The following ADSS2 variants were observed in gnomAD, a reference collection of about 807,000 sequenced individuals.
The protein encoded by ADSS2 is adenylosuccinate synthetase isozyme 2.
A neutral mutation model predicts 60.0 loss-of-function variants in ADSS2; 30 were observed. The observed-to-expected ratio is 0.50, with a 90% confidence interval of 0.37 to 0.68. ADSS2 has a LOEUF of 0.68. ADSS2 is among the 30% of genes least tolerant of loss of function. ADSS2 has a pLI of 0.00. For synonymous variants in ADSS2, 187 were observed against 193.1 expected (o/e 0.97, Z 0.26); for missense variants, 373 against 554.8 (o/e 0.67, Z 3.29).
At chr1:244,421,046 ACTGCC>A (rs2147994173) in intron 7 of ADSS2, among the ~76,000 whole-genome samples, 1 of 5,504 alleles carries the variant, frequency 1.8e-4, no homozygotes, top group African/African-American at 1.2e-3. Flanking sequence ...CACGAGTTAC[ACTGCC>A]AGGGCCACGA....
At chr1:244,421,150 A>C (rs887340683) in intron 7 of ADSS2, among the ~76,000 whole-genome samples, 2 of 152,190 alleles carry the variant, frequency 1.3e-5, no homozygotes, top group Non-Finnish European at 2.9e-5. Flanking sequence ...CTATCTCTAC[A>C]CTATTACTAG....
intron 1 of ADSS2, among the ~76,000 whole-genome samples, chr1:244,445,793 A>G (rs1665370222): frequency 6.6e-6 from 1 of 152,176 alleles, no homozygotes; most frequent in South Asian, 2.1e-4. Context: ...CTGCTGTGGT[A>G]GAGAGATGAA....
Position 244,437,806 on chromosome 1 carries a change from A to G in ADSS2, c.184-38T>C, listed in dbSNP as rs373417646. On this transcript the variant is annotated intron_variant, in intron 1 of 12. Coordinates refer to ENST00000366535, the MANE Select transcript of ADSS2 (RefSeq NM_001126.5). Reference sequence around the variant, plus strand: ...ATAGGGGAAAATTGAGCCTGATGATAAATACTACAAATAACCTATCTCCCT... The same window carrying G: ...ATAGGGGAAAATTGAGCCTGATGATGAATACTACAAATAACCTATCTCCCT... 2.3e-5 allele frequency: 32 copies of G among 1,388,186 alleles called. No individual in the cohort carries two copies. The African/African-American group carries it at 4.4e-4, about 19-fold the overall frequency. 86.0% of individuals were successfully genotyped at this position (1,388,186 alleles called of 1,614,324 possible).
In ADSS2 at chr1:244,416,179, T is replaced by TA; in HGVS notation, c.1071-102dup. The TA allele has an allele frequency of 1.5e-5, 11 of 748,928 alleles. No individual in the cohort carries two copies. In the South Asian group the frequency reaches 1.9e-4, roughly 13 times the overall value. The allele number at this position is 748,928 out of a possible 1,614,324, so 46.4% of individuals were successfully genotyped here. On this transcript the variant is annotated intron_variant, in intron 10 of 12. Transcript: ENST00000366535. ...AGTAAAGAAAAATTCATGCAAAGCTTAAAGTTCTAAAGCAATTCTGAAAAC... is the reference window on the plus strand; with the variant it reads ...AGTAAAGAAAAATTCATGCAAAGCTTAAAAGTTCTAAAGCAATTCTGAAAAC...
At chr1:244,436,299 A>G (rs1184634170) in intron 3 of ADSS2, among the ~76,000 whole-genome samples, 1 of 152,238 alleles carries the variant, frequency 6.6e-6, no homozygotes, top group Non-Finnish European at 1.5e-5. Flanking sequence ...CACATCTCTA[A>G]AAATCCAAGA....
chr1:244,432,420 A>G, intron 4 of ADSS2, 125 bp downstream of exon 4: 1 of 680,314 alleles, frequency 1.5e-6, no homozygotes, highest in Non-Finnish European at 2.4e-6. Context: ...TTAGAACTCA[A>G]TTACTACAAT....
At chr1:244,440,678 T>A (rs1049293436) in intron 1 of ADSS2, among the ~76,000 whole-genome samples, 2 of 152,190 alleles carry the variant, frequency 1.3e-5, no homozygotes, top group Non-Finnish European at 2.9e-5. Context: ...AGACAACCAG[T>A]TAGCACAAGT....
intron 11 of ADSS2, among the ~76,000 whole-genome samples, chr1:244,411,767 A>G (rs1300625207): frequency 6.6e-6 from 1 of 152,216 alleles, no homozygotes; most frequent in African/African-American, 2.4e-5. Flanking sequence ...AAGCTTATTG[A>G]ATTTCCATTC....
chr1:244,422,998 CA>C (rs929928461), intron 6 of ADSS2, 82 bp from the exon 7 acceptor site: 4 of 925,720 alleles, frequency 4.3e-6, no homozygotes, highest in Non-Finnish European at 1.6e-6. Context: ...ATGGTTTCTG[CA>C]GATGGTAAAT....
intron 7 of ADSS2, among the ~76,000 whole-genome samples, chr1:244,421,035 CCA>C (rs1471674515): frequency 2.0e-4 from 1 of 5,098 alleles, no homozygotes; most frequent in African/African-American, 1.4e-3. Context: ...GTGGTGAGGG[CCA>C]CGAGTTACAC....
intron 1 of ADSS2, among the ~76,000 whole-genome samples, chr1:244,442,441 C>T (rs1227621311): frequency 6.6e-6 from 1 of 152,070 alleles, no homozygotes; most frequent in African/African-American, 2.4e-5. Flanking sequence ...TGAAAAATAG[C>T]AACATTTTTC....
chr1:244,448,579 A>G (rs1440085017), intron 1 of ADSS2, among the ~76,000 whole-genome samples: 1 of 152,252 alleles, frequency 6.6e-6, no homozygotes, highest in East Asian at 1.9e-4. Flanking sequence ...ACTTTCCTCA[A>G]GAACAATAAA....
In ADSS2 at chr1:244,437,265, G is replaced by A. The variant is rs142907877; in HGVS notation, c.287-372C>T. ...GATAAGGATTTTTAAAAATTAAAAG[G>A]AGAGTAGAAAAGATCAGATTGCATC... On this transcript the variant is annotated intron_variant, in intron 2 of 12. Transcript: ENST00000366535. 2.3e-3 allele frequency among the ~76,000 whole-genome samples: 346 copies of A among 152,206 alleles called. 7 individuals are homozygous for A. The highest frequency in any genetic ancestry group is 0.019 in the Admixed American group (293 of 15,274).
At chr1:244,435,225 T>C (rs565026360) in intron 3 of ADSS2, among the ~76,000 whole-genome samples, 3 of 142,736 alleles carry the variant, frequency 2.1e-5, no homozygotes, top group African/African-American at 5.4e-5. Flanking sequence ...TAACAGTAAT[T>C]GAGTGTTTTA....
At chr1:244,441,990 A>G (rs1018408515) in intron 1 of ADSS2, among the ~76,000 whole-genome samples, 2 of 152,012 alleles carry the variant, frequency 1.3e-5, no homozygotes, top group African/African-American at 4.8e-5. Flanking sequence ...AAAATTCATC[A>G]TTTGCTCAAG....
At chr1:244,428,223 TAAAAG>T (rs1664852072) in intron 4 of ADSS2, among the ~76,000 whole-genome samples, 1 of 152,146 alleles carries the variant, frequency 6.6e-6, no homozygotes, top group South Asian at 2.1e-4. Context: ...TCCTGAGCCA[TAAAAG>T]AAGTCTCAAC....
At chr1:244,447,885 T>G (rs1343316616) in intron 1 of ADSS2, among the ~76,000 whole-genome samples, 3 of 152,194 alleles carry the variant, frequency 2.0e-5, no homozygotes, top group Non-Finnish European at 4.4e-5. Context: ...GTTGAGTATT[T>G]CCCTTCTGCT....
chr1:244,416,832 T>C (rs1479545658), intron 10 of ADSS2, among the ~76,000 whole-genome samples: 6 of 151,940 alleles, frequency 3.9e-5, no homozygotes, highest in Non-Finnish European at 1.5e-5. Context: ...TGTCAAAGAG[T>C]GAGAAAAACC....
intron 12 of ADSS2, among the ~76,000 whole-genome samples, chr1:244,410,404 T>C (rs1204416282): frequency 1.3e-5 from 2 of 152,232 alleles, no homozygotes. Flanking sequence ...GTTAAAAGAA[T>C]GACTTCACAT....
Sources: allele counts gnomAD v4.1 joint callset (sites outside exome capture counted in the v4.1 genomes callset), GRCh38; gene constraint gnomAD v4.1.1; transcripts MANE v1.5; gene names NCBI Gene and HGNC (gene_info 2026-07-23, HGNC 2026-07-21).